Variants in SPAG16 observed in about 807,000 individuals in gnomAD.
SPAG16 encodes sperm associated antigen 16, also known as sperm-associated antigen 16 protein.
A neutral mutation model predicts 80.4 loss-of-function variants in SPAG16; 86 were observed. The ratio of observed to expected loss-of-function variants is 1.07; its 90% CI spans 0.90 to 1.28. SPAG16 has a LOEUF of 1.28. Among genes scored for constraint, SPAG16 ranks in the 50% most tolerant of loss-of-function variants. SPAG16 has a pLI of 0.00. For missense variants in SPAG16, 870 were observed against 765.3 expected, an observed-to-expected ratio of 1.14 and a Z score of -1.61; for synonymous variants, 294 against 265.9, an observed-to-expected ratio of 1.11 and a Z score of -1.03.
chr2:213,609,754 CA>C (rs1465977560), intron 10 of SPAG16, among the ~76,000 whole-genome samples: 1 of 151,490 alleles, frequency 6.6e-6, no homozygotes, highest in African/African-American at 2.4e-5. Context: ...TACTTTCTTT[CA>C]GAATTTCTTG....
intron 10 of SPAG16, among the ~76,000 whole-genome samples, chr2:213,716,935 T>G (rs2066261233): frequency 6.6e-6 from 1 of 152,182 alleles, no homozygotes; most frequent in Non-Finnish European, 1.5e-5. Context: ...AGTTTTTCTT[T>G]GCTTTCCTGC....
At chr2:213,999,675 G>A (rs114305969) in intron 12 of SPAG16, among the ~76,000 whole-genome samples, 3,771 of 152,288 alleles carry the variant, frequency 0.025, 150 homozygotes, top group African/African-American at 0.086. Context: ...ACAGACACTC[G>A]ATGCCAGCCC....
rs1025275567 is a variant in SPAG16 at position 213,840,198 on chromosome 2, G to A, written c.1071-22287G>A. Reference sequence around the variant, plus strand: ...AGAGAAGGAATTTGTATTTTTAATCGTTGACTTTAATAATAACCATATATA... The same window carrying A: ...AGAGAAGGAATTTGTATTTTTAATCATTGACTTTAATAATAACCATATATA... On this transcript the variant is annotated intron_variant, in intron 10 of 15. Transcript: ENST00000331683. Among the ~76,000 whole-genome samples, 6 of 152,128 alleles carry A rather than the reference G, an allele frequency of 3.9e-5. 1 individual carries two copies. The highest frequency in any genetic ancestry group is 1.9e-4 in the East Asian group (1 of 5,196).
At position 213,900,364 on chromosome 2, in the gene SPAG16, C is replaced by T. The variant is rs545937564; in HGVS notation, c.1215-29596C>T. 4.3e-4 allele frequency among the ~76,000 whole-genome samples: 66 copies of T among 152,070 alleles called. No homozygotes were observed. In the Middle Eastern group the frequency reaches 0.01, roughly 24 times the overall value. The stretch of plus-strand genomic sequence containing the variant: ...CCTCGAGAATCATTTACCAATATCT[C>T]GGAACGACTGTGATTATACAAAACA... On this transcript the variant is annotated intron_variant, in intron 11 of 15. Transcript: ENST00000331683.
At chr2:213,556,587 C>G (rs2059433805) in intron 10 of SPAG16, among the ~76,000 whole-genome samples, 1 of 152,062 alleles carries the variant, frequency 6.6e-6, no homozygotes, top group Non-Finnish European at 1.5e-5. Flanking sequence ...AATACCTAAG[C>G]ATATAAACCA....
chr2:214,194,309 A>ATATG (rs1207103571), intron 15 of SPAG16, among the ~76,000 whole-genome samples: 1 of 152,116 alleles, frequency 6.6e-6, no homozygotes, highest in East Asian at 1.9e-4. Context: ...GTCATGAAGT[A>ATATG]TATGCACTAA....
intron 10 of SPAG16, among the ~76,000 whole-genome samples, chr2:213,760,191 T>A (rs991862888): frequency 1.3e-5 from 2 of 152,192 alleles, no homozygotes; most frequent in African/African-American, 4.8e-5. Context: ...GAGACTCATT[T>A]TAGATCCAAA....
At chr2:213,549,425 C>A (rs1256292252) in intron 10 of SPAG16, among the ~76,000 whole-genome samples, 1 of 152,102 alleles carries the variant, frequency 6.6e-6, no homozygotes, top group Non-Finnish European at 1.5e-5. Context: ...TTTTCTCTTA[C>A]TCCTATTCCT....
At chr2:214,196,334 A>T (rs2057837437) in intron 15 of SPAG16, among the ~76,000 whole-genome samples, 1 of 152,020 alleles carries the variant, frequency 6.6e-6, no homozygotes, top group Admixed American at 6.6e-5. Context: ...TCTTGTCTTG[A>T]TGCCTTATCT....
At chr2:214,305,994 C>A (rs187577677) in intron 15 of SPAG16, among the ~76,000 whole-genome samples, 112 of 151,886 alleles carry the variant, frequency 7.4e-4, no homozygotes, top group Non-Finnish European at 1.4e-3. Context: ...GATATTGATT[C>A]TTTCTATCCA....
At chr2:214,142,477 T>C (rs926688579) in intron 14 of SPAG16, among the ~76,000 whole-genome samples, 32 of 152,338 alleles carry the variant, frequency 2.1e-4, no homozygotes, top group African/African-American at 7.7e-4. Context: ...GTAAAAGGTC[T>C]GATCATCTCT....
At chr2:213,728,876 CAAAAAAAAAAAAAAAAAAAAAAAAAA>C (rs58070679) in intron 10 of SPAG16, among the ~76,000 whole-genome samples, 48 of 58,458 alleles carry the variant, frequency 8.2e-4, no homozygotes, top group East Asian at 6.6e-3. Flanking sequence ...GACTCCGTCT[CAAAAAAAAAAAAAAAAAAAAAAAAAA>C]AAAAAAAAAA....
chr2:213,930,088 G>A lies in SPAG16; in HGVS notation c.1343G>A (p.Gly448Asp), dbSNP rs2078681529. The A allele has an allele frequency of 6.2e-7, 1 of 1,613,930 alleles. No homozygotes were observed. The highest frequency in any genetic ancestry group is 2.2e-5 in the East Asian group (1 of 44,878). Reference sequence around the variant, plus strand: ...TGGTCCTGCACATGGCACTCCTGCGGCAATTTTGTGGCTTCCTCCTCACTG... The same window carrying A: ...TGGTCCTGCACATGGCACTCCTGCGACAATTTTGTGGCTTCCTCCTCACTG... ...AVWSCTWHSC[G>D]NFVASSSLDK... The change falls in exon 12 of 16, where the codon GGC (glycine) becomes GAC (aspartate). Residue 448 changes from glycine to aspartate, a missense_variant. Gly to Asp is a moderately conservative substitution (Grantham distance 94). Coordinates refer to ENST00000331683, the MANE Select transcript of SPAG16 (RefSeq NM_024532.5).
chr2:214,239,087 A>G (rs1689283095), intron 15 of SPAG16: 3 of 152,126 alleles, frequency 2.0e-5, no homozygotes, highest in South Asian at 4.1e-4. Flanking sequence ...CTGGAGTGCA[A>G]TAGCACAGTC....
chr2:214,352,644 A>C (rs1698502392), intron 15 of SPAG16, among the ~76,000 whole-genome samples: 1 of 147,962 alleles, frequency 6.8e-6, no homozygotes, highest in Non-Finnish European at 1.5e-5. Flanking sequence ...ACAGCATTGA[A>C]GCATCTGCCT....
In SPAG16 at chr2:214,042,878, T is replaced by C. The variant is rs911513312; in HGVS notation, c.1527+28801T>C. Reference sequence around the variant, plus strand: ...GATGAAATATAGCACATTTTTACTTTGTTAGTATAGTGGGTTAAAAAAGGT... The same window carrying C: ...GATGAAATATAGCACATTTTTACTTCGTTAGTATAGTGGGTTAAAAAAGGT... On this transcript the variant is annotated intron_variant, in intron 13 of 15. Coordinates refer to ENST00000331683, the MANE Select transcript of SPAG16 (RefSeq NM_024532.5). 5.9e-5 allele frequency among the ~76,000 whole-genome samples: 9 copies of C among 152,146 alleles called. No individual in the cohort carries two copies. The East Asian group carries it at 1.5e-3, about 26-fold the overall frequency.
chr2:213,712,465 T>G (rs1454508634), intron 10 of SPAG16, among the ~76,000 whole-genome samples: 1 of 152,136 alleles, frequency 6.6e-6, no homozygotes, highest in East Asian at 1.9e-4. Context: ...ACCACTGCAC[T>G]TCAAATTAGA....
intron 9 of SPAG16, among the ~76,000 whole-genome samples, chr2:213,475,304 C>T (rs146106656): frequency 1.3e-5 from 2 of 152,200 alleles, no homozygotes; most frequent in African/African-American, 2.4e-5. Context: ...ATTCACAAGG[C>T]ATTTTCTATA....
chr2:213,586,257 G>T (rs1042287380), intron 10 of SPAG16, among the ~76,000 whole-genome samples: 2 of 152,152 alleles, frequency 1.3e-5, no homozygotes, highest in Admixed American at 6.5e-5. Flanking sequence ...TAGCTTATAA[G>T]CAACAGAAAT....
Sources: gnomAD v4.1 joint callset for allele counts (sites outside exome capture counted in the v4.1 genomes callset) on GRCh38, gnomAD v4.1.1 for gene constraint, MANE v1.5 for transcripts, NCBI Gene and HGNC (gene_info 2026-07-23, HGNC 2026-07-21) for gene names.